The following MCCC2 variants were observed in gnomAD, a reference collection of about 807,000 sequenced individuals.
MCCC2 encodes the protein methylcrotonyl-CoA carboxylase subunit 2, also known as methylcrotonoyl-CoA carboxylase beta chain, mitochondrial.
A neutral mutation model predicts 77.2 loss-of-function variants in MCCC2; 52 were observed. The observed-to-expected ratio is 0.67, with a 90% CI of 0.54 to 0.85. MCCC2 has a LOEUF of 0.85. Among genes scored for constraint, MCCC2 ranks in the 40% least tolerant of loss-of-function variants. The pLI is 0.00. For synonymous variants in MCCC2, 253 were observed against 248.4 expected, an observed-to-expected ratio of 1.02 and a Z score of -0.18; for missense variants, 682 against 703.2, an observed-to-expected ratio of 0.97 and a Z score of 0.34.
chr5:71,596,464 G>A (rs746491109), intron 3 of MCCC2, 100 bp downstream of exon 3: 591 of 1,068,240 alleles, frequency 5.5e-4, no homozygotes, highest in Non-Finnish European at 7.1e-4. Flanking sequence ...AGTTCTCATC[G>A]TAAGATTCAG....
chr5:71,626,742 G>A lies in MCCC2; in HGVS notation c.727G>A (p.Gly243Arg). ...VRKQGTIFLA[G>R]PPLVKAATGE... ...CAAGCAGGGTACCATTTTCTTGGCAGGACCCCCCTTGGTAAGAACATAAGA... is the reference window on the plus strand; with the variant it reads ...CAAGCAGGGTACCATTTTCTTGGCAAGACCCCCCTTGGTAAGAACATAAGA... Residue 243 changes from glycine to arginine, a missense_variant, in exon 7 of 17, where the codon GGA becomes AGA. Coordinates refer to ENST00000340941, the MANE Select transcript of MCCC2 (RefSeq NM_022132.5). 6.2e-7 allele frequency: 1 copy of A among 1,614,054 alleles called. No individual in the cohort carries two copies. Among genetic ancestry groups the A allele is most frequent in the Non-Finnish European group, 8.5e-7 (1 of 1,179,978 alleles).
In MCCC2 at chr5:71,596,165, G is replaced by C. The variant is rs1021149947; in HGVS notation, c.197-115G>C. 12 of 920,088 alleles carry C rather than the reference G, an allele frequency of 1.3e-5. No individual in the cohort carries two copies. In the African/African-American group the frequency reaches 2.0e-4, roughly 15 times the overall value. 57.0% of individuals were successfully genotyped at this position (920,088 alleles called of 1,614,324 possible). ...GAATGATTATTAGCCTTTTCTCAGA[G>C]GATATGTTGAACTTTTAAAAAGTGC... On this transcript the variant is annotated intron_variant, in intron 2 of 16. Coordinates refer to ENST00000340941, the MANE Select transcript of MCCC2 (RefSeq NM_022132.5).
chr5:71,644,790 T>C (rs1412718604), intron 12 of MCCC2, among the ~76,000 whole-genome samples: 1 of 152,120 alleles, frequency 6.6e-6, no homozygotes, highest in Non-Finnish European at 1.5e-5. Flanking sequence ...GAAGAATTTG[T>C]CTTTGGTGAA....
chr5:71,613,889 C>G (rs1423475726), intron 6 of MCCC2, among the ~76,000 whole-genome samples: 1 of 151,562 alleles, frequency 6.6e-6, no homozygotes, highest in African/African-American at 2.4e-5. Flanking sequence ...AGGAAGGGGT[C>G]AGAAAAGATA....
chr5:71,604,289 C>T, intron 5 of MCCC2, 67 bp from the exon 6 acceptor site: 1 of 1,328,594 alleles, frequency 7.5e-7, no homozygotes, highest in Non-Finnish European at 1.1e-6. Context: ...GTCATTGATA[C>T]AAGTTTCCCT....
intron 4 of MCCC2, among the ~76,000 whole-genome samples, chr5:71,601,347 C>A (rs1444789020): frequency 3.9e-5 from 6 of 152,136 alleles, no homozygotes; most frequent in Admixed American, 3.9e-4. Context: ...TAGCGTAGCA[C>A]CCCCAGTGGT....
At chr5:71,646,413 G>T in intron 13 of MCCC2, 136 bp downstream of exon 13, 2 of 750,730 alleles carry the variant, frequency 2.7e-6, no homozygotes, top group South Asian at 1.5e-5. Flanking sequence ...CTTTCTGGAG[G>T]CCCTTTAAGA....
At chr5:71,629,189 G>C (rs1435183158) in intron 7 of MCCC2, among the ~76,000 whole-genome samples, 1 of 148,034 alleles carries the variant, frequency 6.8e-6, no homozygotes, top group East Asian at 2.0e-4. Flanking sequence ...GGGCAACAGA[G>C]CGAGACTCCA....
At chr5:71,639,917 TTCACTC>T (rs1231927996) in intron 10 of MCCC2, among the ~76,000 whole-genome samples, 2 of 152,224 alleles carry the variant, frequency 1.3e-5, no homozygotes, top group Admixed American at 1.3e-4. Flanking sequence ...TTGGGAAGCA[TTCACTC>T]AGTTTTCAGC....
In MCCC2 at chr5:71,646,341, A is replaced by C. The variant is rs1303513430; in HGVS notation, c.1216+64A>C. On this transcript the variant is annotated intron_variant, in intron 13 of 16. Transcript: ENST00000340941. ...CAGAGCTGTACCATCAGTGTGGCTC[A>C]TGTATTGGACAGCACACATGTAGAC... The C allele has an allele frequency of 4.1e-6, 6 of 1,470,020 alleles. No individual in the cohort carries two copies. In the African/African-American group the frequency reaches 4.2e-5, roughly 10 times the overall value. 91.1% of individuals were successfully genotyped at this position (1,470,020 alleles called of 1,614,324 possible).
chr5:71,603,591 T>G lies in MCCC2; in HGVS notation c.512-765T>G, dbSNP rs181568922. Reference sequence around the variant, plus strand: ...TACCTGATTAACTCACAATACGAACTGCTCTGCACGTAGAGAAAACAGCAA... The same window carrying G: ...TACCTGATTAACTCACAATACGAACGGCTCTGCACGTAGAGAAAACAGCAA... On this transcript the variant is annotated intron_variant, in intron 5 of 16. Coordinates refer to ENST00000340941, the MANE Select transcript of MCCC2 (RefSeq NM_022132.5). Among the ~76,000 whole-genome samples, 479 of 152,260 alleles carry G rather than the reference T, an allele frequency of 3.1e-3. 2 individuals are homozygous for G. Among genetic ancestry groups the G allele is most frequent in the Non-Finnish European group, 4.6e-3 (313 of 68,018 alleles).
intron 5 of MCCC2, among the ~76,000 whole-genome samples, chr5:71,604,008 G>C (rs1291748302): frequency 6.6e-6 from 1 of 152,158 alleles, no homozygotes; most frequent in African/African-American, 2.4e-5. Flanking sequence ...TATGAATTCT[G>C]TGGATGGCTT....
At chr5:71,638,766 C>T (rs567536005) in intron 10 of MCCC2, among the ~76,000 whole-genome samples, 35 of 152,290 alleles carry the variant, frequency 2.3e-4, no homozygotes, top group Admixed American at 1.9e-3. Flanking sequence ...GGTGATCCAC[C>T]CGTCTTGGCC....
intron 11 of MCCC2, chr5:71,641,397 A>C: frequency 3.0e-6 from 1 of 332,552 alleles, no homozygotes; most frequent in South Asian, 2.8e-5. Context: ...TTTCTGGATA[A>C]CAATAATTAT....
intron 10 of MCCC2, among the ~76,000 whole-genome samples, chr5:71,637,132 A>G (rs776632740): frequency 3.3e-5 from 5 of 152,202 alleles, no homozygotes; most frequent in Non-Finnish European, 7.3e-5. Flanking sequence ...TAAGTCTAGG[A>G]AATTTTAACA....
At chr5:71,623,288 T>C (rs906821240) in intron 6 of MCCC2, among the ~76,000 whole-genome samples, 4 of 152,216 alleles carry the variant, frequency 2.6e-5, no homozygotes, top group African/African-American at 9.6e-5. Context: ...GTTGGGAGTC[T>C]GGGCGCAGTG....
intron 4 of MCCC2, among the ~76,000 whole-genome samples, chr5:71,600,487 A>G (rs1745384271): frequency 1.3e-5 from 2 of 151,764 alleles, no homozygotes; most frequent in Non-Finnish European, 1.5e-5. Context: ...GTGCAGTGAC[A>G]TGATCATAGC....
intron 13 of MCCC2, among the ~76,000 whole-genome samples, chr5:71,648,046 G>A (rs1747319353): frequency 6.6e-6 from 1 of 152,186 alleles, no homozygotes; most frequent in South Asian, 2.1e-4. Context: ...AGGAGTTTCT[G>A]AGCTTTTCTG....
rs61210707 is a variant in MCCC2 at position 71,644,033 on chromosome 5, A to ATGTG, written c.1149+173_1149+176dup. 0.31 allele frequency: 171,393 copies of ATGTG among 544,988 alleles called. 18,511 individuals are homozygous for ATGTG. Among genetic ancestry groups the ATGTG allele is most frequent in the East Asian group, 0.45 (11,614 of 25,936 alleles). The allele number at this position is 544,988 out of a possible 1,614,324, so 33.8% of individuals were successfully genotyped here. On this transcript the variant is annotated intron_variant, in intron 12 of 16. Transcript: ENST00000340941. The stretch of plus-strand genomic sequence containing the variant: ...CAACCAGAACACTGTGTGCGCGGGC[A>ATGTG]TGTGTGTGTGTGTGTGTGTGTGTGT...
Sources: gnomAD v4.1 joint callset for allele counts (sites outside exome capture counted in the v4.1 genomes callset) on GRCh38, gnomAD v4.1.1 for gene constraint, MANE v1.5 for transcripts, NCBI Gene and HGNC (gene_info 2026-07-23, HGNC 2026-07-21) for gene names.